The following TMEM108 variants were observed in gnomAD, a reference collection of about 807,000 sequenced individuals.
The protein encoded by TMEM108 is transmembrane protein 108.
In TMEM108, 12 loss-of-function variants were observed where a neutral mutation model predicts 35.1. The observed-to-expected ratio is 0.34, with a 90% CI of 0.22 to 0.55. The LOEUF (loss-of-function observed/expected upper bound fraction) is 0.55, where lower values mean the gene tolerates loss of function less well. TMEM108 is among the 20% of genes least tolerant of loss of function. TMEM108 has a pLI of 0.89. For synonymous variants in TMEM108, 287 were observed against 308.6 expected (o/e 0.93, Z 0.73); for missense variants, 680 against 753.3 (o/e 0.90, Z 1.14).
intron 2 of TMEM108, among the ~76,000 whole-genome samples, chr3:133,160,120 C>T (rs982154398): frequency 6.6e-6 from 1 of 152,196 alleles, no homozygotes; most frequent in Admixed American, 6.5e-5. Flanking sequence ...CTTTCTGGCC[C>T]ATCTGAGGCA....
At chr3:133,373,126 A>G (rs944313675) in intron 3 of TMEM108, among the ~76,000 whole-genome samples, 1 of 152,130 alleles carries the variant, frequency 6.6e-6, no homozygotes, top group African/African-American at 2.4e-5. Flanking sequence ...CAAAATTCTG[A>G]GAGGCCAAGG....
intron 2 of TMEM108, among the ~76,000 whole-genome samples, chr3:133,135,262 G>A (rs919208785): frequency 6.6e-5 from 10 of 151,628 alleles, no homozygotes; most frequent in African/African-American, 1.9e-4. Flanking sequence ...AGTGATAACA[G>A]AGATAAATAA....
chr3:133,219,679 T>C (rs1232024929), intron 2 of TMEM108, among the ~76,000 whole-genome samples: 1 of 152,172 alleles, frequency 6.6e-6, no homozygotes, highest in Admixed American at 6.5e-5. Flanking sequence ...TTTAGTATTA[T>C]ACTATTGTGG....
At chr3:133,173,995 C>A (rs1945170251) in intron 2 of TMEM108, among the ~76,000 whole-genome samples, 1 of 152,204 alleles carries the variant, frequency 6.6e-6, no homozygotes, top group African/African-American at 2.4e-5. Flanking sequence ...CTGCACTTTT[C>A]CAATGGTCTT....
At chr3:133,242,865 G>A (rs553925294) in intron 3 of TMEM108, among the ~76,000 whole-genome samples, 1 of 152,294 alleles carries the variant, frequency 6.6e-6, no homozygotes, top group Admixed American at 6.5e-5. Context: ...GGCAGCTTGA[G>A]GTCAGCTAAG....
chr3:133,252,021 A>G (rs1946479324), intron 3 of TMEM108, among the ~76,000 whole-genome samples: 1 of 152,178 alleles, frequency 6.6e-6, no homozygotes, highest in Admixed American at 6.5e-5. Flanking sequence ...GCACTGTTTT[A>G]TTAATAGTTT....
chr3:133,184,191 G>C (rs1945387605), intron 2 of TMEM108, among the ~76,000 whole-genome samples: 1 of 152,142 alleles, frequency 6.6e-6, no homozygotes, highest in African/African-American at 2.4e-5. Flanking sequence ...AGCTGGCTTG[G>C]ATATTTACTT....
chr3:133,079,235 C>T (rs1403324204), intron 2 of TMEM108, among the ~76,000 whole-genome samples: 2 of 152,150 alleles, frequency 1.3e-5, no homozygotes, highest in Non-Finnish European at 2.9e-5. Flanking sequence ...AATGCATATA[C>T]ATTTATCTGG....
intron 2 of TMEM108, among the ~76,000 whole-genome samples, chr3:133,058,529 G>T (rs1189753675): frequency 6.6e-6 from 1 of 152,190 alleles, no homozygotes; most frequent in Non-Finnish European, 1.5e-5. Flanking sequence ...GCTGTGAGAC[G>T]TGGTTAAGCC....
chr3:133,344,977 T>C (rs1052030995), intron 3 of TMEM108, among the ~76,000 whole-genome samples: 1 of 151,876 alleles, frequency 6.6e-6, no homozygotes, highest in African/African-American at 2.4e-5. Context: ...TATTTACAAG[T>C]AGGCTTTTAA....
intron 2 of TMEM108, among the ~76,000 whole-genome samples, chr3:133,075,529 T>C (rs1199590058): frequency 6.6e-6 from 1 of 152,188 alleles, no homozygotes; most frequent in East Asian, 1.9e-4. Flanking sequence ...TGAATAGTAA[T>C]CCTAACCCTC....
intron 3 of TMEM108, among the ~76,000 whole-genome samples, chr3:133,234,625 CA>C (rs1231438561): frequency 6.6e-6 from 1 of 152,132 alleles, no homozygotes; most frequent in East Asian, 1.9e-4. Context: ...CTATCTATGA[CA>C]AACCCACAGC....
At chr3:133,136,970 T>G (rs1944573540) in intron 2 of TMEM108, among the ~76,000 whole-genome samples, 1 of 152,184 alleles carries the variant, frequency 6.6e-6, no homozygotes, top group Non-Finnish European at 1.5e-5. Flanking sequence ...ATTTCATCCT[T>G]GCTGAAAGAT....
rs530709550 is a variant in TMEM108 at position 133,388,890 on chromosome 3, C to T, written c.1451-1290C>T. 1,468 of 985,802 alleles carry T rather than the reference C, an allele frequency of 1.5e-3. 1 individual carries two copies. The highest frequency in any genetic ancestry group is 2.3e-3 in the Admixed American group (37 of 16,286). 61.1% of individuals were successfully genotyped at this position (985,802 alleles called of 1,614,324 possible). A position where few individuals can be genotyped will look rare whatever the true frequency, so the allele number is the denominator to read the frequency against. Reference sequence around the variant, plus strand: ...TGCTGGCCAGACCCTCAGGCTGCTGCGAACAGAGCTGGCCCTCTGCCAACC... The same window carrying T: ...TGCTGGCCAGACCCTCAGGCTGCTGTGAACAGAGCTGGCCCTCTGCCAACC... On this transcript the variant is annotated intron_variant, in intron 4 of 5. Transcript: ENST00000321871.
chr3:133,266,960 G>T (rs955234257), intron 3 of TMEM108, among the ~76,000 whole-genome samples: 11 of 148,276 alleles, frequency 7.4e-5, no homozygotes, highest in African/African-American at 2.7e-4. Context: ...GGTGCCTGTA[G>T]ACCCAGCTAC....
At chr3:133,219,088 A>G (rs778764130) in intron 2 of TMEM108, among the ~76,000 whole-genome samples, 25 of 151,958 alleles carry the variant, frequency 1.6e-4, no homozygotes, top group South Asian at 4.2e-4. Flanking sequence ...CAGAATTTCT[A>G]TTTCTTCATG....
intron 2 of TMEM108, among the ~76,000 whole-genome samples, chr3:133,147,161 TC>T (rs897175588): frequency 3.9e-5 from 6 of 152,240 alleles, no homozygotes; most frequent in Non-Finnish European, 8.8e-5. Flanking sequence ...TTACGTTGTG[TC>T]TTTGTTCTCA....
intron 3 of TMEM108, among the ~76,000 whole-genome samples, chr3:133,327,071 CTG>C (rs34479638): frequency 0.12 from 17,867 of 152,076 alleles, 1,454 homozygotes; most frequent in East Asian, 0.38. Flanking sequence ...ACTCCCCAGG[CTG>C]TGAGTGTGTG....
intron 1 of TMEM108, among the ~76,000 whole-genome samples, chr3:133,044,961 C>CTTT (rs11444221): frequency 9.1e-5 from 13 of 142,820 alleles, no homozygotes; most frequent in Non-Finnish European, 1.1e-4. Context: ...TGAAGTGCTG[C>CTTT]TTTTTTTTTT....
Sources: gnomAD v4.1 joint callset for allele counts (sites outside exome capture counted in the v4.1 genomes callset) on GRCh38, gnomAD v4.1.1 for gene constraint, MANE v1.5 for transcripts, NCBI Gene and HGNC (gene_info 2026-07-23, HGNC 2026-07-21) for gene names.